Variants in GRID2 observed in about 807,000 individuals in gnomAD.
The protein encoded by GRID2 is glutamate ionotropic receptor delta type subunit 2.
A neutral mutation model predicts 114.8 loss-of-function variants in GRID2; 33 were observed. The observed-to-expected ratio is 0.29, with a 90% CI of 0.22 to 0.38. GRID2 has a LOEUF of 0.38. GRID2 is among the 10% of genes least tolerant of loss of function. The pLI is 1.00. For missense variants in GRID2, 1,184 were observed against 1,257.7 expected (o/e 0.94, Z 0.89); for synonymous variants, 505 against 449.9 (o/e 1.12, Z -1.55).
At chr4:93,127,083 G>A (rs956725288) in intron 4 of GRID2, among the ~76,000 whole-genome samples, 14 of 152,158 alleles carry the variant, frequency 9.2e-5, no homozygotes, top group Admixed American at 9.2e-4. Context: ...AGATAGAACA[G>A]TATCTTAATT....
chr4:93,260,826 G>C (rs937901550), intron 8 of GRID2, among the ~76,000 whole-genome samples: 2 of 151,808 alleles, frequency 1.3e-5, no homozygotes, highest in Non-Finnish European at 2.9e-5. Flanking sequence ...CTATAAAGTT[G>C]TGATAAAAGA....
chr4:93,156,295 T>G (rs1369709491), intron 4 of GRID2, among the ~76,000 whole-genome samples: 1 of 151,742 alleles, frequency 6.6e-6, no homozygotes, highest in Non-Finnish European at 1.5e-5. Context: ...ATTAAAGATA[T>G]GGACTTTGTG....
At chr4:93,797,404 T>C (rs1672302261) in intron 1 of GRID2, among the ~76,000 whole-genome samples, 1 of 152,156 alleles carries the variant, frequency 6.6e-6, no homozygotes, top group Non-Finnish European at 1.5e-5. Flanking sequence ...TAAGCTAACT[T>C]TCTAGAGGTT....
intron 14 of GRID2, among the ~76,000 whole-genome samples, chr4:93,657,262 T>C (rs1256209913): frequency 6.6e-6 from 1 of 152,192 alleles, no homozygotes; most frequent in African/African-American, 2.4e-5. Context: ...AGAAACTCAC[T>C]TTATCTTAAT....
At chr4:93,297,991 A>G (rs1218448855) in intron 8 of GRID2, among the ~76,000 whole-genome samples, 5 of 152,160 alleles carry the variant, frequency 3.3e-5, no homozygotes, top group Non-Finnish European at 7.3e-5. Flanking sequence ...TAAGTCCTAG[A>G]CTTTGGCTCT....
intron 2 of GRID2, among the ~76,000 whole-genome samples, chr4:92,723,605 T>G (rs1270733365): frequency 2.0e-5 from 3 of 152,174 alleles, no homozygotes; most frequent in South Asian, 2.1e-4. Context: ...CATTAGGTAG[T>G]TACTTCTTTA....
chr4:93,043,918 A>T (rs1001656314), intron 2 of GRID2, among the ~76,000 whole-genome samples: 2 of 150,722 alleles, frequency 1.3e-5, no homozygotes, highest in Admixed American at 6.6e-5. Context: ...TATAATTAAA[A>T]ATATATATAT....
In GRID2 at chr4:93,675,158, CGT is replaced by C. The variant is rs1193081576; in HGVS notation, c.2360+48732_2360+48733del. 8.5e-5 allele frequency among the ~76,000 whole-genome samples: 13 copies of C among 152,076 alleles called. No individual in the cohort carries two copies. The East Asian group carries it at 1.9e-3, about 23-fold the overall frequency. ...AATAACGTGAACCTGTCATATATTG[CGT>C]GTGTGTGTCTGTGTGTGCATTTCTC... On this transcript the variant is annotated intron_variant, in intron 14 of 15. Transcript: ENST00000282020.
intron 2 of GRID2, among the ~76,000 whole-genome samples, chr4:93,076,006 C>G (rs934661880): frequency 1.3e-5 from 2 of 149,650 alleles, no homozygotes; most frequent in East Asian, 2.0e-4. Context: ...TGGGTTCACG[C>G]CATTCTCCTG....
intron 9 of GRID2, among the ~76,000 whole-genome samples, chr4:93,411,071 A>G (rs187389245): frequency 6.6e-6 from 1 of 152,338 alleles, no homozygotes; most frequent in East Asian, 1.9e-4. Context: ...AAAGTATTCT[A>G]TATTTAATGA....
chr4:92,544,047 T>A (rs1726114063), intron 1 of GRID2, among the ~76,000 whole-genome samples: 1 of 152,144 alleles, frequency 6.6e-6, no homozygotes, highest in South Asian at 2.1e-4. Flanking sequence ...TCATGACTTT[T>A]TCCTGAGAGC....
intron 11 of GRID2, among the ~76,000 whole-genome samples, chr4:93,481,871 A>C (rs186626065): frequency 3.9e-5 from 6 of 152,134 alleles, no homozygotes; most frequent in African/African-American, 1.4e-4. Context: ...TCCCAGAGGG[A>C]TTGCAGGCTT....
intron 14 of GRID2, among the ~76,000 whole-genome samples, chr4:93,686,780 A>G (rs1232561936): frequency 2.6e-5 from 4 of 152,004 alleles, no homozygotes; most frequent in African/African-American, 9.7e-5. Flanking sequence ...CTGAAGAAAT[A>G]GTAAAAAGGC....
At chr4:93,471,533 G>T (rs1046468696) in intron 11 of GRID2, among the ~76,000 whole-genome samples, 4 of 151,820 alleles carry the variant, frequency 2.6e-5, no homozygotes, top group African/African-American at 4.8e-5. Flanking sequence ...TTGATTTGGT[G>T]TGTAATTGGT....
At chr4:93,420,080 A>G (rs958482317) in intron 9 of GRID2, among the ~76,000 whole-genome samples, 2 of 152,152 alleles carry the variant, frequency 1.3e-5, no homozygotes, top group Non-Finnish European at 2.9e-5. Context: ...TAGAGAATGC[A>G]TATGACTTCC....
chr4:92,384,528 AATATATAATATAATATATAATATATATT>A lies in GRID2; in HGVS notation c.88+79805_88+79832del, dbSNP rs1193500580. Among the ~76,000 whole-genome samples, 176 of 35,352 alleles carry A rather than the reference AATATATAATATAATATATAATATATATT, an allele frequency of 5.0e-3. 2 individuals are homozygous for A. The highest frequency in any genetic ancestry group is 0.019 in the African/African-American group (172 of 9,020). 23.2% of individuals were successfully genotyped at this position (35,352 alleles called of 152,430 possible). On this transcript the variant is annotated intron_variant, in intron 1 of 15. Transcript: ENST00000282020. ...TATTATATATAATATTATATAATAT[AATATATAATATAATATATAATATATATT>A]ATATATAATATAATATATAAAATAT...
chr4:92,754,370 T>TA (rs1737607375), intron 2 of GRID2, among the ~76,000 whole-genome samples: 1 of 152,154 alleles, frequency 6.6e-6, no homozygotes, highest in African/African-American at 2.4e-5. Flanking sequence ...AACAGCATGA[T>TA]GGTAGTAGGA....
rs1388279636 is a variant in GRID2, at chr4:93,165,358, CA to C, written c.736-42044del. 4.0e-5 allele frequency among the ~76,000 whole-genome samples: 6 copies of C among 151,866 alleles called. No individual in the cohort carries two copies. In the East Asian group the frequency reaches 1.2e-3, roughly 30 times the overall value. Reference sequence around the variant, plus strand: ...AGAAGCCCCTAAATATAGCCAAAGTCAAGGTTATTAATAGAGTGTGGGATTG... The same window carrying C: ...AGAAGCCCCTAAATATAGCCAAAGTCAGGTTATTAATAGAGTGTGGGATTG... On this transcript the variant is annotated intron_variant, in intron 4 of 15. Coordinates refer to ENST00000282020, the MANE Select transcript of GRID2 (RefSeq NM_001510.4).
At chr4:93,418,427 T>A (rs1174762799) in intron 9 of GRID2, among the ~76,000 whole-genome samples, 1 of 152,104 alleles carries the variant, frequency 6.6e-6, no homozygotes, top group Non-Finnish European at 1.5e-5. Flanking sequence ...ATTTGTTTAG[T>A]TCTTTTTCAA....
Sources: gnomAD v4.1 joint callset for allele counts (sites outside exome capture counted in the v4.1 genomes callset) on GRCh38, gnomAD v4.1.1 for gene constraint, MANE v1.5 for transcripts, NCBI Gene and HGNC (gene_info 2026-07-23, HGNC 2026-07-21) for gene names.